ZNRF1: variants seen among roughly 807,000 people sequenced by gnomAD.
The protein encoded by ZNRF1 is zinc and ring finger 1, also known as E3 ubiquitin-protein ligase ZNRF1.
A neutral mutation model predicts 18.4 loss-of-function variants in ZNRF1; 3 were observed. The observed-to-expected ratio is 0.16, with a 90% CI of 0.07 to 0.42. The LOEUF (loss-of-function observed/expected upper bound fraction) is 0.42. Among genes scored for constraint, ZNRF1 ranks in the 10% least tolerant of loss-of-function variants. ZNRF1 has a pLI of 0.99. For synonymous variants in ZNRF1, 157 were observed against 144.2 expected, an observed-to-expected ratio of 1.09 and a Z score of -0.64; for missense variants, 310 against 329.8, an observed-to-expected ratio of 0.94 and a Z score of 0.47.
At chr16:75,053,870 T>G (rs2035636916) in intron 1 of ZNRF1, among the ~76,000 whole-genome samples, 1 of 152,242 alleles carries the variant, frequency 6.6e-6, no homozygotes, top group Non-Finnish European at 1.5e-5. Context: ...TGGGCTCCTG[T>G]ACTCCCTGTT....
At chr16:75,067,524 G>T (rs2035821030) in intron 1 of ZNRF1, among the ~76,000 whole-genome samples, 1 of 152,170 alleles carries the variant, frequency 6.6e-6, no homozygotes, top group South Asian at 2.1e-4. Context: ...GATTACCTAA[G>T]TTAAACTTCA....
At chr16:75,061,665 T>C (rs1402684482) in intron 1 of ZNRF1, among the ~76,000 whole-genome samples, 1 of 152,138 alleles carries the variant, frequency 6.6e-6, no homozygotes, top group Non-Finnish European at 1.5e-5. Flanking sequence ...TTGCCAGCAG[T>C]TTTGTGATTT....
At chr16:75,063,138 G>T (rs914653481) in intron 1 of ZNRF1, among the ~76,000 whole-genome samples, 1 of 152,226 alleles carries the variant, frequency 6.6e-6, no homozygotes, top group Non-Finnish European at 1.5e-5. Context: ...GCAGAGTCAT[G>T]CGAGTGGTTA....
At position 75,036,227 on chromosome 16, in the gene ZNRF1, C is replaced by T. The variant is rs192767386; in HGVS notation, c.424+36132C>T. Among the ~76,000 whole-genome samples the T allele has an allele frequency of 2.6e-5, 4 of 152,308 alleles. No individual in the cohort carries two copies. In the East Asian group the frequency reaches 7.7e-4, roughly 29 times the overall value. ...CTGGGATCACAGGCATGTGCCATCA[C>T]ACCTAGCTAATTTTTGTTTATTTTT... On this transcript the variant is annotated intron_variant, in intron 1 of 4. Transcript: ENST00000335325.
rs35291578 is a variant in ZNRF1 at position 75,059,229 on chromosome 16, C to CTTTTTTTTTT, written c.425-34337_425-34328dup. ...TCCTTCCTTCTTTCCTTCTTTCTTT[C>CTTTTTTTTTT]TTTTTTTTTTTTTTTCTTTTTTTTT... On this transcript the variant is annotated intron_variant, in intron 1 of 4. Coordinates refer to ENST00000335325, the MANE Select transcript of ZNRF1 (RefSeq NM_032268.5). Among the ~76,000 whole-genome samples the CTTTTTTTTTT allele has an allele frequency of 5.7e-3, 531 of 92,888 alleles. 1 individual carries two copies. The highest frequency in any genetic ancestry group is 7.6e-3 in the Middle Eastern group (1 of 132). The allele number at this position is 92,888 out of a possible 152,430, so 60.9% of individuals were successfully genotyped here. A position where few individuals can be genotyped will look rare whatever the true frequency, so the allele number is the denominator to read the frequency against.
At chr16:75,057,172 C>CA in intron 1 of ZNRF1, among the ~76,000 whole-genome samples, 1 of 152,286 alleles carries the variant, frequency 6.6e-6, no homozygotes, top group Non-Finnish European at 1.5e-5. Flanking sequence ...GGAATACCCC[C>CA]ACCCTGCCGT....
rs566078431 is a variant in ZNRF1 at position 75,072,106 on chromosome 16, A to AT, written c.425-21454dup. Among the ~76,000 whole-genome samples the AT allele has an allele frequency of 9.0e-4, 132 of 146,938 alleles. 2 individuals are homozygous for AT. The highest frequency in any genetic ancestry group is 3.5e-3 in the Middle Eastern group (1 of 288). ...AAGTGCATGCCGCCACGCCCAGTTA[A>AT]TTTTTTTTTTTTAATTATCAGATAC... On this transcript the variant is annotated intron_variant, in intron 1 of 4. Coordinates refer to ENST00000335325, the MANE Select transcript of ZNRF1 (RefSeq NM_032268.5).
At chr16:75,051,072 A>G (rs913240146) in intron 1 of ZNRF1, among the ~76,000 whole-genome samples, 8 of 147,138 alleles carry the variant, frequency 5.4e-5, no homozygotes, top group African/African-American at 1.7e-4. Flanking sequence ...GTCGTGGCAC[A>G]TGCCTGTAGT....
chr16:75,097,807 C>A (rs2036216702), intron 2 of ZNRF1, among the ~76,000 whole-genome samples: 1 of 152,152 alleles, frequency 6.6e-6, no homozygotes, highest in Non-Finnish European at 1.5e-5. Context: ...CAGAGCTTGA[C>A]CCTGTCTCAA....
chr16:75,042,443 CTTT>C (rs56212046), intron 1 of ZNRF1, among the ~76,000 whole-genome samples: 150 of 116,934 alleles, frequency 1.3e-3, no homozygotes, highest in Admixed American at 2.2e-3. Context: ...CTGTTTCTTT[CTTT>C]TTTTTTTTTT....
At chr16:75,068,242 T>C (rs2035828231) in intron 1 of ZNRF1, among the ~76,000 whole-genome samples, 1 of 149,898 alleles carries the variant, frequency 6.7e-6, no homozygotes, top group African/African-American at 2.5e-5. Flanking sequence ...CATGCACCTG[T>C]AGTCTCAGCT....
chr16:75,076,605 A>G (rs1020717849), intron 1 of ZNRF1, among the ~76,000 whole-genome samples: 2 of 148,286 alleles, frequency 1.3e-5, no homozygotes, highest in Non-Finnish European at 3.0e-5. Flanking sequence ...CATTCAGTCC[A>G]TAGCACATGG....
At chr16:75,082,915 A>G (rs940336934) in intron 1 of ZNRF1, among the ~76,000 whole-genome samples, 7 of 152,198 alleles carry the variant, frequency 4.6e-5, no homozygotes, top group Non-Finnish European at 8.8e-5. Flanking sequence ...AGATATTCAT[A>G]TATGTATTTT....
intron 2 of ZNRF1, among the ~76,000 whole-genome samples, chr16:75,103,006 C>T (rs1368808846): frequency 6.6e-6 from 1 of 152,218 alleles, no homozygotes; most frequent in East Asian, 1.9e-4. Flanking sequence ...CCAGAACCTT[C>T]CCAGATCAGC....
chr16:75,004,717 C>G (rs183791893), intron 1 of ZNRF1, among the ~76,000 whole-genome samples: 1 of 152,088 alleles, frequency 6.6e-6, no homozygotes, highest in African/African-American at 2.4e-5. Context: ...GGGCTCAAGC[C>G]GTCTTCCCAT....
In ZNRF1 at chr16:75,089,229, C is replaced by T. The variant is rs144483354; in HGVS notation, c.425-4343C>T. ...GCGATCCTCCTGCCTCAACCTCCCA[C>T]GTAGCTGGGATTAGAGGCATGCACC... On this transcript the variant is annotated intron_variant, in intron 1 of 4. Coordinates refer to ENST00000335325, the MANE Select transcript of ZNRF1 (RefSeq NM_032268.5). 4.0e-3 allele frequency among the ~76,000 whole-genome samples: 615 copies of T among 152,068 alleles called. 5 individuals are homozygous for T. The highest frequency in any genetic ancestry group is 0.014 in the African/African-American group (595 of 41,464).
intron 1 of ZNRF1, among the ~76,000 whole-genome samples, chr16:75,009,297 G>A (rs529976966): frequency 3.9e-5 from 6 of 152,120 alleles, no homozygotes; most frequent in Admixed American, 1.3e-4. Flanking sequence ...TAAAATATAT[G>A]TAACAAAATT....
chr16:75,040,042 CTTTTTTTTTTTTTTTTTTT>C (rs57122648), intron 1 of ZNRF1, among the ~76,000 whole-genome samples: 3 of 78,890 alleles, frequency 3.8e-5, no homozygotes, highest in Non-Finnish European at 6.8e-5. Flanking sequence ...TCTTTTCTTT[CTTTTTTTTTTTTTTTTTTT>C]TTTTTTTGAG....
chr16:75,087,049 G>A (rs919377841), intron 1 of ZNRF1, among the ~76,000 whole-genome samples: 2 of 152,152 alleles, frequency 1.3e-5, no homozygotes, highest in African/African-American at 4.8e-5. Flanking sequence ...TTGCAGCTTC[G>A]GAAAATGAGA....
Sources: gnomAD v4.1 joint callset for allele counts (sites outside exome capture counted in the v4.1 genomes callset) on GRCh38, gnomAD v4.1.1 for gene constraint, MANE v1.5 for transcripts, NCBI Gene and HGNC (gene_info 2026-07-23, HGNC 2026-07-21) for gene names.